The following COL6A5 variants were observed in gnomAD, a reference collection of about 807,000 sequenced individuals.
COL6A5 encodes collagen alpha-5(VI) chain.
A neutral mutation model predicts 65.6 loss-of-function variants in COL6A5; 48 were observed. The ratio of observed to expected loss-of-function variants is 0.73; its 90% CI spans 0.58 to 0.93. The LOEUF (loss-of-function observed/expected upper bound fraction) is 0.93. COL6A5 is among the 40% of genes least tolerant of loss of function. The probability of loss-of-function intolerance (pLI) is 0.00; values close to 1 mark genes in which losing one functional copy is unlikely to be tolerated. For synonymous variants in COL6A5, 291 were observed against 322.8 expected (o/e 0.90, Z 1.05); for missense variants, 914 against 928.3 (o/e 0.98, Z 0.20).
At chr3:130,446,820 C>T (rs1464793455) in intron 4 of COL6A5, among the ~76,000 whole-genome samples, 1 of 152,090 alleles carries the variant, frequency 6.6e-6, no homozygotes, top group Non-Finnish European at 1.5e-5. Flanking sequence ...GGGAGTTTTT[C>T]CATAACACTG....
At position 130,373,826 on chromosome 3, in the gene COL6A5, G is replaced by T; in HGVS notation, c.67+121G>T. 3 of 666,016 alleles carry T rather than the reference G, an allele frequency of 4.5e-6. No individual in the cohort carries two copies. The South Asian group carries it at 6.3e-5, about 14-fold the overall frequency. 41.3% of individuals were successfully genotyped at this position (666,016 alleles called of 1,614,324 possible). A position where few individuals can be genotyped will look rare whatever the true frequency, so the allele number is the denominator to read the frequency against. On this transcript the variant is annotated intron_variant and NMD_transcript_variant, in intron 2 of 41. Coordinates refer to the COL6A5 transcript ENST00000312481. The stretch of plus-strand genomic sequence containing the variant: ...TCAAAGTATGCAGCATTTAGTAATT[G>T]TTATACAACATCAAACAAACTTAAC...
At chr3:130,421,401 C>G (rs376915022) in intron 27 of COL6A5, 41 bp downstream of exon 27, 1 of 1,540,198 alleles carries the variant, frequency 6.5e-7, no homozygotes, top group African/African-American at 1.4e-5. Flanking sequence ...ATGATCTTAA[C>G]CTTCTACTTG....
rs1022563377 is a variant in COL6A5, at chr3:130,469,147, T to A, written c.1899T>A (p.Asn633Lys). 2.5e-6 allele frequency: 4 copies of A among 1,612,984 alleles called. No individual in the cohort carries two copies. The African/African-American group carries it at 5.3e-5, about 22-fold the overall frequency. The change falls in exon 6 of 8, where the codon AAT becomes AAA. Residue 633 changes from asparagine to lysine, a missense_variant. Asn to Lys is a moderately conservative substitution (Grantham distance 94). Coordinates refer to ENST00000512836, the Ensembl canonical transcript of COL6A5. ...ATCTCCAAGACTCTCAACAGCTCAA[T>A]GGAGATGTTTTTATTGGCCATGCCT...
intron 7 of COL6A5, among the ~76,000 whole-genome samples, chr3:130,474,726 G>A (rs913558332): frequency 1.3e-5 from 2 of 151,994 alleles, no homozygotes; most frequent in African/African-American, 4.8e-5. Context: ...GTCAGTGAGA[G>A]GCTGAGTGCA....
Position 130,398,011 on chromosome 3 carries a change from C to T in COL6A5, c.3910-19C>T, listed in dbSNP as rs1183626309. ...TATATATTTAGCTTTTACACCATAC[C>T]ATTTTCTTATTTCTCCAGGTGCTGC... On this transcript the variant is annotated intron_variant and NMD_transcript_variant, in intron 9 of 41. Coordinates refer to the COL6A5 transcript ENST00000312481. 5.2e-6 allele frequency: 8 copies of T among 1,543,746 alleles called. No homozygotes were observed. In the Middle Eastern group the frequency reaches 5.0e-4, roughly 96 times the overall value.
chr3:130,483,920 A>G (rs916774055), intron 7 of COL6A5, 115 bp from the exon 41 acceptor site: 9 of 877,182 alleles, frequency 1.0e-5, no homozygotes, highest in Admixed American at 2.5e-5. Context: ...ACCATTGAAA[A>G]TGACAAAAAT....
At chr3:130,454,693 A>C (rs989481955) in intron 4 of COL6A5, among the ~76,000 whole-genome samples, 8 of 152,196 alleles carry the variant, frequency 5.3e-5, no homozygotes, top group Non-Finnish European at 1.0e-4. Context: ...CTATTTTAAG[A>C]GGCACTGATA....
At chr3:130,421,411 G>A in intron 27 of COL6A5, 51 bp downstream of exon 27, 4 of 1,513,726 alleles carry the variant, frequency 2.6e-6, no homozygotes, top group Non-Finnish European at 3.6e-6. Context: ...CCTTCTACTT[G>A]AGAACTGAGA....
chr3:130,469,199 G>A lies in COL6A5; in HGVS notation c.1951G>A (p.Val651Ile), dbSNP rs745437404. Reference sequence around the variant, plus strand: ...GCAGTGGACAATTGACAATGTCTTTGTAGGAACCCCCAATCTGAGGAAAAA... The same window carrying A: ...GCAGTGGACAATTGACAATGTCTTTATAGGAACCCCCAATCTGAGGAAAAA... Residue 651 changes from valine to isoleucine, a missense_variant, in exon 6 of 8, where the codon GTA becomes ATA. Val to Ile is a conservative substitution (Grantham distance 29). Coordinates refer to ENST00000512836, the Ensembl canonical transcript of COL6A5. 3.7e-6 allele frequency: 6 copies of A among 1,613,256 alleles called. No homozygotes were observed. In the South Asian group the frequency reaches 6.6e-5, roughly 18 times the overall value.
At chr3:130,434,781 G>A (rs1315479677) in intron 1 of COL6A5, among the ~76,000 whole-genome samples, 1 of 152,158 alleles carries the variant, frequency 6.6e-6, no homozygotes, top group African/African-American at 2.4e-5. Flanking sequence ...TTTTGATGGG[G>A]TTTTTTGGGT....
chr3:130,391,676 A>C, exon 7 of COL6A5: 1 of 1,551,640 alleles, frequency 6.4e-7, no homozygotes, highest in Non-Finnish European at 8.7e-7. Flanking sequence ...AAACAATACT[A>C]TCTATGTAGA....
intron 1 of COL6A5, among the ~76,000 whole-genome samples, chr3:130,354,798 T>C (rs1440146808): frequency 6.6e-6 from 1 of 152,154 alleles, no homozygotes; most frequent in Non-Finnish European, 1.5e-5. Context: ...TATTGTAATT[T>C]CCTGCGTGTT....
chr3:130,406,083 T>C, intron 15 of COL6A5, 48 bp from the exon 16 acceptor site: 1 of 1,547,910 alleles, frequency 6.5e-7, no homozygotes, highest in Non-Finnish European at 8.7e-7. Flanking sequence ...AATAAGCGTG[T>C]GGCAGAGACC....
At chr3:130,370,778 A>G (rs1234961803) in intron 1 of COL6A5, among the ~76,000 whole-genome samples, 2 of 152,236 alleles carry the variant, frequency 1.3e-5, no homozygotes, top group African/African-American at 4.8e-5. Context: ...AAAGAAACTT[A>G]AAGTAAATAT....
chr3:130,401,972 A>G, intron 12 of COL6A5, 118 bp downstream of exon 12: 1 of 697,720 alleles, frequency 1.4e-6, no homozygotes, highest in South Asian at 2.3e-5. Context: ...TGCTTTGGAC[A>G]TTTCATGTGA....
exon 26 of COL6A5, chr3:130,421,184 T>C: frequency 6.4e-7 from 1 of 1,550,754 alleles, no homozygotes; most frequent in Non-Finnish European, 8.7e-7. Flanking sequence ...TACGGTCAGA[T>C]GGGACGAAAA....
chr3:130,389,833 CA>C (rs1936330834), intron 6 of COL6A5, among the ~76,000 whole-genome samples: 1 of 152,130 alleles, frequency 6.6e-6, no homozygotes, highest in Non-Finnish European at 1.5e-5. Flanking sequence ...TCAATCCACA[CA>C]TAGACTAAAA....
chr3:130,389,747 G>C (rs1373587282), intron 6 of COL6A5, among the ~76,000 whole-genome samples: 1 of 151,854 alleles, frequency 6.6e-6, no homozygotes, highest in Admixed American at 6.6e-5. Context: ...ACAAATTGTA[G>C]TGCTTTTAAA....
chr3:130,416,543 C>A (rs1937342692), intron 23 of COL6A5, among the ~76,000 whole-genome samples: 2 of 152,120 alleles, frequency 1.3e-5, no homozygotes, highest in African/African-American at 4.8e-5. Context: ...GATGTCCCTG[C>A]AGATTAAAAC....
Sources: gnomAD v4.1 joint callset for allele counts (sites outside exome capture counted in the v4.1 genomes callset) on GRCh38, gnomAD v4.1.1 for gene constraint, MANE v1.5 for transcripts, NCBI Gene and HGNC (gene_info 2026-07-23, HGNC 2026-07-21) for gene names.